EFHD1: variants seen among roughly 807,000 people sequenced by gnomAD.
EFHD1 encodes the protein EF-hand domain family member D1, also known as EF-hand domain-containing protein D1.
A neutral mutation model predicts 17.2 loss-of-function variants in EFHD1; 10 were observed. That is an observed-to-expected ratio of 0.58 (90% CI 0.36 to 0.99). The LOEUF is 0.99. EFHD1 is among the 50% of genes least tolerant of loss of function. The pLI, the probability that EFHD1 is intolerant of heterozygous loss-of-function variation, is 0.01. For missense variants in EFHD1, 310 were observed against 327.5 expected, an observed-to-expected ratio of 0.95 and a Z score of 0.41; for synonymous variants, 153 against 142.0, an observed-to-expected ratio of 1.08 and a Z score of -0.55.
intron 1 of EFHD1, among the ~76,000 whole-genome samples, chr2:232,627,255 A>T (rs1236334700): frequency 1.3e-5 from 2 of 151,438 alleles, no homozygotes; most frequent in African/African-American, 2.4e-5. Flanking sequence ...AGAAAAAAAA[A>T]AAAAACTAGA....
At chr2:232,633,462 C>G (rs1389358358), upstream of EFHD1, 5 of 1,231,178 alleles carry the variant, frequency 4.1e-6, no homozygotes, top group East Asian at 1.7e-4. Flanking sequence ...CGCGCAGACA[C>G]CCAGACACCG....
At chr2:232,652,231 A>G (rs1694669352) in intron 1 of EFHD1, among the ~76,000 whole-genome samples, 1 of 152,212 alleles carries the variant, frequency 6.6e-6, no homozygotes, top group Non-Finnish European at 1.5e-5. Flanking sequence ...CCATGGGACC[A>G]TGCTTTGAGG....
chr2:232,606,262 G>C, intron 1 of EFHD1: 1 of 1,462,562 alleles, frequency 6.8e-7, no homozygotes, highest in East Asian at 2.5e-5. Flanking sequence ...CAGAATAGGT[G>C]CGCGGTAATT....
chr2:232,673,703 C>A (rs1302765034), intron 3 of EFHD1, among the ~76,000 whole-genome samples: 1 of 151,932 alleles, frequency 6.6e-6, no homozygotes, highest in Non-Finnish European at 1.5e-5. Context: ...CCCTTACATG[C>A]TTTTGGTAAA....
chr2:232,643,435 T>A (rs1414481633), intron 1 of EFHD1, among the ~76,000 whole-genome samples: 2 of 152,078 alleles, frequency 1.3e-5, no homozygotes, highest in Non-Finnish European at 2.9e-5. Context: ...TGAGACAGGG[T>A]CTTGCTCTGT....
At chr2:232,614,778 C>A (rs950358455) in intron 1 of EFHD1, among the ~76,000 whole-genome samples, 3 of 152,140 alleles carry the variant, frequency 2.0e-5, no homozygotes, top group African/African-American at 7.2e-5. Context: ...GAGTTCGAGA[C>A]CAGCCTGGGC....
chr2:232,630,530 CT>C (rs1323961313), upstream of EFHD1, among the ~76,000 whole-genome samples: 18 of 152,278 alleles, frequency 1.2e-4, no homozygotes, highest in Middle Eastern at 3.4e-3. Flanking sequence ...GATGATGTGC[CT>C]TTTGAGAGGC....
intron 2 of EFHD1, among the ~76,000 whole-genome samples, chr2:232,664,407 G>A (rs1473623404): frequency 1.3e-5 from 2 of 151,674 alleles, no homozygotes; most frequent in East Asian, 3.9e-4. Context: ...GAGCCACCTT[G>A]CCTAGCTACT....
chr2:232,670,027 C>A (rs769838658), intron 2 of EFHD1, among the ~76,000 whole-genome samples: 1 of 152,118 alleles, frequency 6.6e-6, no homozygotes, highest in Non-Finnish European at 1.5e-5. Context: ...TAGCTTGGAA[C>A]GTATCAGTTT....
upstream of EFHD1, among the ~76,000 whole-genome samples, chr2:232,629,715 C>G (rs1043423427): frequency 6.6e-6 from 1 of 151,714 alleles, no homozygotes; most frequent in East Asian, 1.9e-4. Context: ...GTGATCCACC[C>G]GCCTCGGCCT....
chr2:232,620,716 G>A (rs1171303809), intron 1 of EFHD1, among the ~76,000 whole-genome samples: 4 of 152,022 alleles, frequency 2.6e-5, no homozygotes, highest in Admixed American at 1.3e-4. Context: ...CATTTTCTTG[G>A]AACAGACTGT....
upstream of EFHD1, among the ~76,000 whole-genome samples, chr2:232,630,784 T>TA (rs35113329): frequency 0.034 from 4,632 of 134,872 alleles, 254 homozygotes; most frequent in African/African-American, 0.12. Flanking sequence ...TCATCTCTAT[T>TA]AAAAAAAAAA....
At chr2:232,649,746 GTC>G (rs1468004667) in intron 1 of EFHD1, 7 of 152,338 alleles carry the variant, frequency 4.6e-5, no homozygotes, top group African/African-American at 1.7e-4. Flanking sequence ...ATGGGGCCAA[GTC>G]TCTCCCAAGA....
intron 1 of EFHD1, among the ~76,000 whole-genome samples, chr2:232,621,356 C>A (rs74962424): frequency 6.6e-6 from 1 of 152,148 alleles, no homozygotes; most frequent in South Asian, 2.1e-4. Flanking sequence ...AGGGACACAG[C>A]GGCAGAGTGA....
chr2:232,657,894 C>CTTTTTTTTTTTT (rs1165865773), intron 1 of EFHD1, among the ~76,000 whole-genome samples: 3 of 118,684 alleles, frequency 2.5e-5, no homozygotes, highest in Non-Finnish European at 3.7e-5. Context: ...ATTTTTCTTT[C>CTTTTTTTTTTTT]TTTTCTTTTT....
intron 2 of EFHD1, among the ~76,000 whole-genome samples, chr2:232,668,934 A>G (rs1695016236): frequency 6.6e-6 from 1 of 152,114 alleles, no homozygotes; most frequent in South Asian, 2.1e-4. Context: ...ACGCCCAGCC[A>G]GTGCTCCCAT....
At chr2:232,641,289 C>T (rs954510193) in intron 1 of EFHD1, among the ~76,000 whole-genome samples, 1 of 152,152 alleles carries the variant, frequency 6.6e-6, no homozygotes, top group African/African-American at 2.4e-5. Flanking sequence ...CCATCTCTGC[C>T]TCCCAAAAGT....
At position 232,633,625 on chromosome 2, in the gene EFHD1, C is replaced by T; in HGVS notation, c.-80C>T. The T allele has an allele frequency of 1.5e-6, 2 of 1,351,080 alleles. No individual in the cohort carries two copies. The highest frequency in any genetic ancestry group is 1.9e-6 in the Non-Finnish European group (2 of 1,060,488). 83.7% of individuals were successfully genotyped at this position (1,351,080 alleles called of 1,614,324 possible). ...CGGCGGAGTGTTGTAGAGCCTCGAG[C>T]CTGCGAGGAGCGCGCCGCCCGCCAG... On this transcript the variant is annotated 5_prime_UTR_variant, in exon 1 of 4. Transcript: ENST00000264059.
intron 1 of EFHD1, among the ~76,000 whole-genome samples, chr2:232,634,698 G>A (rs1228773767): frequency 1.3e-5 from 2 of 152,214 alleles, no homozygotes; most frequent in Non-Finnish European, 2.9e-5. Context: ...GAGACACTGA[G>A]CCAGAGGCAG....
Sources: gnomAD v4.1 joint callset for allele counts (sites outside exome capture counted in the v4.1 genomes callset) on GRCh38, gnomAD v4.1.1 for gene constraint, MANE v1.5 for transcripts, NCBI Gene and HGNC (gene_info 2026-07-23, HGNC 2026-07-21) for gene names.